The following KCNH8 variants were observed in gnomAD, a reference collection of about 807,000 sequenced individuals.
KCNH8 encodes the protein voltage-gated delayed rectifier potassium channel KCNH8.
In KCNH8, 70 loss-of-function variants were observed where a neutral mutation model predicts 103.6. That is an observed-to-expected ratio of 0.68 (90% CI 0.56 to 0.82). The LOEUF (loss-of-function observed/expected upper bound fraction) is 0.82, where lower values mean the gene tolerates loss of function less well. Among genes scored for constraint, KCNH8 ranks in the 40% least tolerant of loss-of-function variants. The pLI, the probability that KCNH8 is intolerant of heterozygous loss-of-function variation, is 0.00. For synonymous variants in KCNH8, 498 were observed against 489.4 expected (o/e 1.02, Z -0.23); for missense variants, 1,217 against 1,329.9 (o/e 0.92, Z 1.32).
chr3:19,286,880 A>G (rs905194056), intron 3 of KCNH8, among the ~76,000 whole-genome samples: 1 of 152,202 alleles, frequency 6.6e-6, no homozygotes, highest in Admixed American at 6.5e-5. Context: ...GGCTGACTGC[A>G]TTTTGTTATA....
intron 1 of KCNH8, among the ~76,000 whole-genome samples, chr3:19,246,274 G>GTTTTT (rs920423108): frequency 3.6e-3 from 314 of 86,304 alleles, no homozygotes; most frequent in Middle Eastern, 0.013. Flanking sequence ...TGTTGTTGTT[G>GTTTTT]TTTTTTTTTT....
intron 2 of KCNH8, among the ~76,000 whole-genome samples, chr3:19,268,563 T>C (rs2064545751): frequency 6.6e-6 from 1 of 152,104 alleles, no homozygotes; most frequent in Non-Finnish European, 1.5e-5. Flanking sequence ...AGTCAAAGTG[T>C]TTTAAGCAGG....
intron 7 of KCNH8, among the ~76,000 whole-genome samples, chr3:19,414,889 T>G (rs1188277079): frequency 6.6e-6 from 1 of 152,036 alleles, no homozygotes; most frequent in Non-Finnish European, 1.5e-5. Flanking sequence ...AAAAAGTTTA[T>G]GATTAATATA....
intron 14 of KCNH8, among the ~76,000 whole-genome samples, chr3:19,517,393 A>C (rs1363527766): frequency 6.6e-6 from 1 of 151,984 alleles, no homozygotes; most frequent in Non-Finnish European, 1.5e-5. Flanking sequence ...AATCTTTTCC[A>C]CTCAAGCTGG....
At chr3:19,221,817 T>C (rs557696786) in intron 1 of KCNH8, among the ~76,000 whole-genome samples, 1 of 151,810 alleles carries the variant, frequency 6.6e-6, no homozygotes, top group South Asian at 2.1e-4. Context: ...AGTCTCTAAG[T>C]GCAAGAAAAA....
chr3:19,477,989 G>A (rs572535550), intron 11 of KCNH8, among the ~76,000 whole-genome samples: 4 of 152,122 alleles, frequency 2.6e-5, no homozygotes, highest in East Asian at 1.9e-4. Flanking sequence ...CCATTGTTTA[G>A]CTCCCAAGTG....
rs115773515 is a variant in KCNH8 at position 19,339,210 on chromosome 3, A to C, written c.443-3377A>C. On this transcript the variant is annotated intron_variant, in intron 3 of 15. Coordinates refer to ENST00000328405, the MANE Select transcript of KCNH8 (RefSeq NM_144633.3). ...GAGGGGACCTTTTCTAAGATGATAA[A>C]ATTGCAATTATTTGATTTGGAAAAT... Among the ~76,000 whole-genome samples the C allele has an allele frequency of 5.7e-3, 867 of 152,216 alleles. 7 individuals carry two copies. Among genetic ancestry groups the C allele is most frequent in the African/African-American group, 0.02 (812 of 41,562 alleles).
At chr3:19,153,635 C>CTTTTTTTTTTTTTTTTTTTTCT (rs773828081) in intron 1 of KCNH8, among the ~76,000 whole-genome samples, 2 of 128,916 alleles carry the variant, frequency 1.6e-5, no homozygotes, top group Non-Finnish European at 3.3e-5. Context: ...TTTCTTTTTT[C>CTTTTTTTTTTTTTTTTTTTTCT]TTTTTTTTTT....
intron 1 of KCNH8, among the ~76,000 whole-genome samples, chr3:19,236,348 C>G (rs1009426052): frequency 7.2e-5 from 11 of 152,154 alleles, no homozygotes; most frequent in Admixed American, 6.5e-5. Flanking sequence ...CAGTCATTAT[C>G]TAGATAAATT....
chr3:19,159,145 ATTCT>A (rs1481010087), intron 1 of KCNH8, among the ~76,000 whole-genome samples: 1 of 151,754 alleles, frequency 6.6e-6, no homozygotes, highest in Non-Finnish European at 1.5e-5. Flanking sequence ...TATCGAGACT[ATTCT>A]TTCTGTGTTA....
chr3:19,153,672 G>A (rs544532586), intron 1 of KCNH8, among the ~76,000 whole-genome samples: 3 of 133,316 alleles, frequency 2.3e-5, no homozygotes, highest in Admixed American at 8.8e-5. Context: ...TCACTCTGTC[G>A]CACAGGCTGG....
chr3:19,189,929 TAATTTTAA>T (rs1303173982), intron 1 of KCNH8, among the ~76,000 whole-genome samples: 1 of 151,516 alleles, frequency 6.6e-6, no homozygotes, highest in Non-Finnish European at 1.5e-5. Flanking sequence ...CTATTGACTA[TAATTTTAA>T]AATTCATTAA....
chr3:19,209,702 C>T (rs1240509892), intron 1 of KCNH8, among the ~76,000 whole-genome samples: 1 of 150,980 alleles, frequency 6.6e-6, no homozygotes, highest in Non-Finnish European at 1.5e-5. Context: ...ATCAGCTTTG[C>T]TTATAGGGAG....
chr3:19,426,527 T>C (rs190365176), intron 7 of KCNH8, among the ~76,000 whole-genome samples: 2 of 150,846 alleles, frequency 1.3e-5, no homozygotes, highest in Admixed American at 1.3e-4. Context: ...TTTCTGATAA[T>C]CAGAATTGTC....
At chr3:19,292,876 T>C (rs1177740229) in intron 3 of KCNH8, among the ~76,000 whole-genome samples, 2 of 152,222 alleles carry the variant, frequency 1.3e-5, no homozygotes, top group Non-Finnish European at 2.9e-5. Context: ...CCCTTGCCTC[T>C]TTCTCCTTCC....
intron 3 of KCNH8, among the ~76,000 whole-genome samples, chr3:19,291,354 C>T (rs1210085090): frequency 6.6e-6 from 1 of 152,150 alleles, no homozygotes; most frequent in African/African-American, 2.4e-5. Context: ...AATTTTAGAT[C>T]TTTCCTGCTT....
chr3:19,469,922 A>C (rs1294731585), intron 11 of KCNH8, among the ~76,000 whole-genome samples: 6 of 151,820 alleles, frequency 4.0e-5, no homozygotes, highest in Admixed American at 3.9e-4. Context: ...TGAGGACTGG[A>C]CTCTACTGGA....
intron 1 of KCNH8, among the ~76,000 whole-genome samples, chr3:19,151,534 T>C (rs1453101556): frequency 6.6e-6 from 1 of 152,124 alleles, no homozygotes; most frequent in African/African-American, 2.4e-5. Context: ...ATTATTAGCC[T>C]TATTAATTTA....
At chr3:19,189,915 A>G (rs909472196) in intron 1 of KCNH8, among the ~76,000 whole-genome samples, 1 of 151,972 alleles carries the variant, frequency 6.6e-6, no homozygotes, top group Non-Finnish European at 1.5e-5. Context: ...TTTAAAATAT[A>G]GAGCTATTGA....
Sources: gnomAD v4.1 joint callset for allele counts (sites outside exome capture counted in the v4.1 genomes callset) on GRCh38, gnomAD v4.1.1 for gene constraint, MANE v1.5 for transcripts, NCBI Gene and HGNC (gene_info 2026-07-23, HGNC 2026-07-21) for gene names.